Variants in OTOGL observed in about 807,000 individuals in gnomAD.
OTOGL encodes the protein otogelin like, also known as otogelin-like protein.
Under a neutral mutation model 318.5 loss-of-function variants are expected in OTOGL, and 285 were observed. That is an observed-to-expected ratio of 0.89 (90% CI 0.81 to 0.99). OTOGL has a LOEUF of 0.99. Among genes scored for constraint, OTOGL ranks in the 50% least tolerant of loss-of-function variants. The pLI is 0.00. For missense variants in OTOGL, 2,899 were observed against 2,845.6 expected (o/e 1.02, Z -0.43); for synonymous variants, 987 against 936.5 (o/e 1.05, Z -0.99).
intron 1 of OTOGL, among the ~76,000 whole-genome samples, chr12:80,181,197 CTT>C (rs530315939): frequency 2.0e-5 from 3 of 151,926 alleles, no homozygotes; most frequent in Admixed American, 6.6e-5. Flanking sequence ...AATTAGCATA[CTT>C]TTTTTTATTT....
intron 1 of OTOGL, among the ~76,000 whole-genome samples, chr12:80,150,074 C>T (rs986906488): frequency 1.2e-4 from 18 of 152,154 alleles, no homozygotes; most frequent in African/African-American, 4.3e-4. Flanking sequence ...ATCTTGGCTT[C>T]TCGCTTTTCT....
At chr12:80,168,826 A>G (rs1174286287) in intron 1 of OTOGL, among the ~76,000 whole-genome samples, 1 of 152,200 alleles carries the variant, frequency 6.6e-6, no homozygotes. Flanking sequence ...AGTTTGGTGA[A>G]CAGAACCTTC....
intron 9 of OTOGL, among the ~76,000 whole-genome samples, chr12:80,238,507 G>A (rs557726932): frequency 1.3e-5 from 2 of 152,020 alleles, no homozygotes; most frequent in Admixed American, 6.6e-5. Flanking sequence ...TTCGTTTTAC[G>A]CATATTTTTT....
At chr12:80,209,354 A>G (rs1031172921) in intron 1 of OTOGL, 59 bp from the exon 2 acceptor site, 17 of 952,360 alleles carry the variant, frequency 1.8e-5, no homozygotes, top group Admixed American at 9.2e-5. Context: ...GTACCCTACA[A>G]ATATGCATAC....
chr12:80,368,283 GA>G lies in OTOGL; in HGVS notation c.6593del (p.Asn2198MetfsTer9). The G allele has an allele frequency of 1.3e-6, 2 of 1,596,738 alleles. No homozygotes were observed. The highest frequency in any genetic ancestry group is 1.7e-6 in the Non-Finnish European group (2 of 1,169,490). ...AAATGTATCCTGCAAATTTCACATG[GA>G]AAATGGAACATCAGTTGTATACGCG... ...CKNVSCKFHM[E>X]NGTSVVYAVG... On this transcript the variant is annotated frameshift_variant, in exon 55 of 59. Transcript: ENST00000547103. LOFTEE classifies it high-confidence loss of function.
rs11834453 is a variant in OTOGL, at chr12:80,122,724, T to G, written c.-20+23119T>G. On this transcript the variant is annotated intron_variant, in intron 1 of 58. Transcript: ENST00000547103. ...CACGAGTCTGACACTGGGTTTCTGC[T>G]TCTTTATGGAAACAGTATGCAAACA... 6.7e-3 allele frequency among the ~76,000 whole-genome samples: 1,018 copies of G among 152,208 alleles called. 15 individuals carry two copies. The highest frequency in any genetic ancestry group is 0.022 in the African/African-American group (904 of 41,554).
chr12:80,311,834 C>T (rs930454270), intron 30 of OTOGL, among the ~76,000 whole-genome samples: 10 of 152,236 alleles, frequency 6.6e-5, no homozygotes, highest in African/African-American at 2.2e-4. Context: ...TCCACCCCTG[C>T]GAGCTTATAA....
At chr12:80,243,162 T>C (rs1880527099) in intron 11 of OTOGL, among the ~76,000 whole-genome samples, 1 of 151,710 alleles carries the variant, frequency 6.6e-6, no homozygotes, top group South Asian at 2.1e-4. Context: ...CAAAGAAAAA[T>C]TCTTGAAAGC....
At chr12:80,368,346 C>A (rs1484947851) in intron 55 of OTOGL, 37 bp downstream of exon 55, 2 of 1,485,726 alleles carry the variant, frequency 1.3e-6, no homozygotes, top group Non-Finnish European at 9.2e-7. Flanking sequence ...GTGCTATTTT[C>A]TGAAGGAGGA....
intron 1 of OTOGL, among the ~76,000 whole-genome samples, chr12:80,209,053 A>G (rs1221011226): frequency 6.6e-6 from 1 of 152,214 alleles, no homozygotes; most frequent in East Asian, 1.9e-4. Flanking sequence ...AACCATTAGG[A>G]ATAATGGTTA....
chr12:80,357,203 G>A (rs369508323), intron 49 of OTOGL, among the ~76,000 whole-genome samples: 2 of 152,086 alleles, frequency 1.3e-5, no homozygotes, highest in Admixed American at 6.6e-5. Context: ...GAAAAATTTA[G>A]CACTGGCTTT....
intron 1 of OTOGL, among the ~76,000 whole-genome samples, chr12:80,127,050 T>G (rs1870895302): frequency 6.6e-6 from 1 of 152,202 alleles, no homozygotes; most frequent in South Asian, 2.1e-4. Context: ...CATTTAAGGT[T>G]GATATTGTTA....
intron 1 of OTOGL, among the ~76,000 whole-genome samples, chr12:80,112,320 C>T (rs1869889418): frequency 6.6e-6 from 1 of 152,118 alleles, no homozygotes; most frequent in South Asian, 2.1e-4. Context: ...TTGTCTTGTG[C>T]CAGTTTTCAA....
intron 1 of OTOGL, among the ~76,000 whole-genome samples, chr12:80,203,774 T>A (rs960005468): frequency 6.6e-6 from 1 of 152,206 alleles, no homozygotes. Context: ...TAGAATGAAC[T>A]AGTATTTAAT....
chr12:80,176,419 C>G (rs531912096), intron 1 of OTOGL, among the ~76,000 whole-genome samples: 3 of 152,126 alleles, frequency 2.0e-5, no homozygotes, highest in Admixed American at 6.6e-5. Flanking sequence ...AAAATCATTC[C>G]TCCTCCCTAG....
intron 44 of OTOGL, among the ~76,000 whole-genome samples, chr12:80,345,395 C>G (rs1008296321): frequency 1.3e-5 from 2 of 151,116 alleles, no homozygotes; most frequent in Non-Finnish European, 2.9e-5. Flanking sequence ...GCCACCAGGT[C>G]TGGCTAATTT....
rs902656856 is a variant in OTOGL, at chr12:80,251,056, T to G, written c.1053-637T>G. Among the ~76,000 whole-genome samples the G allele has an allele frequency of 5.9e-5, 9 of 152,360 alleles. No individual in the cohort carries two copies. In the South Asian group the frequency reaches 1.9e-3, roughly 32 times the overall value. On this transcript the variant is annotated intron_variant, in intron 11 of 58. Transcript: ENST00000547103. ...ATCCTCTTTTAAATCTTAAATGCCA[T>G]TTATTCAATCTTTCAAACAACCCAA...
intron 1 of OTOGL, among the ~76,000 whole-genome samples, chr12:80,178,691 G>A (rs1424567268): frequency 6.6e-6 from 1 of 152,166 alleles, no homozygotes; most frequent in Non-Finnish European, 1.5e-5. Context: ...CTGATGTACA[G>A]TATCTGAGTA....
At chr12:80,247,374 C>A (rs1302087984) in intron 11 of OTOGL, among the ~76,000 whole-genome samples, 1 of 131,376 alleles carries the variant, frequency 7.6e-6, no homozygotes, top group Non-Finnish European at 1.6e-5. Flanking sequence ...TCTTTGTTCT[C>A]GTTGGTTTCA....
Sources: gnomAD v4.1 joint callset for allele counts (sites outside exome capture counted in the v4.1 genomes callset) on GRCh38, gnomAD v4.1.1 for gene constraint, MANE v1.5 for transcripts, NCBI Gene and HGNC (gene_info 2026-07-23, HGNC 2026-07-21) for gene names.